The following QRSL1 variants were observed in gnomAD, a reference collection of about 807,000 sequenced individuals.
QRSL1 encodes glutamyl-tRNA(Gln) amidotransferase subunit A, mitochondrial.
A neutral mutation model predicts 61.6 loss-of-function variants in QRSL1; 54 were observed. The observed-to-expected ratio is 0.88, with a 90% CI of 0.70 to 1.10. The LOEUF (loss-of-function observed/expected upper bound fraction) is 1.10, where lower values mean the gene tolerates loss of function less well. QRSL1 is among the 50% of genes least tolerant of loss of function. The pLI is 0.00. For missense variants in QRSL1, 505 were observed against 622.6 expected (o/e 0.81, Z 2.01); for synonymous variants, 228 against 225.7 (o/e 1.01, Z -0.09).
chr6:106,654,962 G>T (rs369163215), intron 8 of QRSL1, 40 bp downstream of exon 8: 1 of 1,487,362 alleles, frequency 6.7e-7, no homozygotes. Flanking sequence ...GGTAGTTGTC[G>T]CAAACATTTG....
At chr6:106,638,386 C>G (rs539161727) in intron 1 of QRSL1, among the ~76,000 whole-genome samples, 3 of 152,070 alleles carry the variant, frequency 2.0e-5, no homozygotes, top group Non-Finnish European at 2.9e-5. Context: ...CTCACCGCAA[C>G]CTCTGCCTCC....
intron 1 of QRSL1, among the ~76,000 whole-genome samples, chr6:106,637,892 T>C (rs977553584): frequency 6.6e-5 from 10 of 152,302 alleles, no homozygotes; most frequent in Admixed American, 5.2e-4. Flanking sequence ...CCTTATTGAT[T>C]TTTTTTCTCA....
chr6:106,636,043 C>T (rs747335157), intron 1 of QRSL1, among the ~76,000 whole-genome samples: 247 of 152,158 alleles, frequency 1.6e-3, no homozygotes, highest in Non-Finnish European at 2.0e-3. Flanking sequence ...CTCCAAAATC[C>T]AAAACTTTTT....
Position 106,654,732 on chromosome 6 carries a change from A to G in QRSL1, c.852A>G (p.Glu284=), listed in dbSNP as rs907861200. The G allele has an allele frequency of 1.9e-6, 3 of 1,605,268 alleles. No individual in the cohort carries two copies. The highest frequency in any genetic ancestry group is 2.5e-6 in the Non-Finnish European group (3 of 1,178,174). ...VSKLCIGIPK[E]YLVPELSSEV... ...GTATCTTGACTTTTTGCTATAAGGA[A>G]TATCTTGTACCGGAATTATCAAGTG... is the stretch of plus-strand genomic sequence containing the variant. Residue 284 remains glutamate, a splice_region_variant and synonymous_variant, in exon 8 of 11, where the codon GAA becomes GAG. Coordinates refer to ENST00000369046, the MANE Select transcript of QRSL1 (RefSeq NM_018292.5).
chr6:106,659,927 G>C (rs760276322), intron 9 of QRSL1, among the ~76,000 whole-genome samples: 3 of 152,082 alleles, frequency 2.0e-5, no homozygotes, highest in Non-Finnish European at 4.4e-5. Flanking sequence ...CCCAGCCTTG[G>C]GAATTTCTTC....
intron 9 of QRSL1, among the ~76,000 whole-genome samples, chr6:106,659,304 A>C (rs1387807879): frequency 6.6e-6 from 1 of 151,980 alleles, no homozygotes; most frequent in Admixed American, 6.5e-5. Flanking sequence ...GTCTCTACTA[A>C]AAATACAAAA....
chr6:106,642,018 C>T (rs910154049), intron 3 of QRSL1, among the ~76,000 whole-genome samples: 1 of 152,162 alleles, frequency 6.6e-6, no homozygotes, highest in Admixed American at 6.5e-5. Context: ...CTATGAATTG[C>T]TTAATTGCAG....
At chr6:106,657,585 G>C (rs1404518205) in intron 9 of QRSL1, among the ~76,000 whole-genome samples, 1 of 152,108 alleles carries the variant, frequency 6.6e-6, no homozygotes, top group African/African-American at 2.4e-5. Flanking sequence ...AATTACTGCT[G>C]GTATCCCTAG....
intron 5 of QRSL1, among the ~76,000 whole-genome samples, chr6:106,650,501 A>G (rs1260241360): frequency 6.6e-6 from 1 of 152,140 alleles, no homozygotes; most frequent in African/African-American, 2.4e-5. Flanking sequence ...CTCAAACTGT[A>G]AAGTGTTCTG....
At chr6:106,639,518 C>T (rs1465088629) in intron 1 of QRSL1, among the ~76,000 whole-genome samples, 2 of 152,160 alleles carry the variant, frequency 1.3e-5, no homozygotes, top group Non-Finnish European at 2.9e-5. Flanking sequence ...TATTCCTTCC[C>T]CTATTCTCCT....
chr6:106,645,943 T>A (rs959803392), intron 4 of QRSL1, among the ~76,000 whole-genome samples: 23 of 152,230 alleles, frequency 1.5e-4, no homozygotes, highest in African/African-American at 5.1e-4. Flanking sequence ...CTTCTTGCCT[T>A]ACTGCACCAG....
Position 106,667,289 on chromosome 6 carries a change from T to C in QRSL1, c.*1287T>C, listed in dbSNP as rs1036215363. Reference sequence around the variant, plus strand: ...CTCATGGTTTCCTTTTCCTCTTGACTGTCTTTACGAGTGTTTTTTATTTGG... The same window carrying C: ...CTCATGGTTTCCTTTTCCTCTTGACCGTCTTTACGAGTGTTTTTTATTTGG... On this transcript the variant is annotated 3_prime_UTR_variant, in exon 11 of 11. Coordinates refer to ENST00000369046, the MANE Select transcript of QRSL1 (RefSeq NM_018292.5). The C allele has an allele frequency of 1.3e-5, 2 of 152,250 alleles. No homozygotes were observed. Among genetic ancestry groups the C allele is most frequent in the African/African-American group, 4.8e-5 (2 of 41,470 alleles). 9.4% of individuals were successfully genotyped at this position (152,250 alleles called of 1,614,324 possible). A position where few individuals can be genotyped will look rare whatever the true frequency, so the allele number is the denominator to read the frequency against.
Position 106,649,207 on chromosome 6 carries a change from A to G in QRSL1, c.557+6A>G, listed in dbSNP as rs1321396336. 1 of 1,612,748 alleles carries G rather than the reference A, an allele frequency of 6.2e-7. No homozygotes were observed. The highest frequency in any genetic ancestry group is 1.3e-5 in the African/African-American group (1 of 74,706). The stretch of plus-strand genomic sequence containing the variant: ...TCGGCGTTCACATGCTACGCGTAAG[A>G]TGCTTTTCTCTATCTGTATTTTAAA... On this transcript the variant is annotated splice_donor_region_variant and intron_variant, in intron 5 of 10. Transcript: ENST00000369046.
At position 106,659,455 on chromosome 6, in the gene QRSL1, ACT is replaced by A. The variant is rs1055788046; in HGVS notation, c.1161-3522_1161-3521del. Among the ~76,000 whole-genome samples, 64 of 148,124 alleles carry A rather than the reference ACT, an allele frequency of 4.3e-4. 1 individual carries two copies. Among genetic ancestry groups the A allele is most frequent in the African/African-American group, 1.6e-3 (62 of 39,986 alleles). On this transcript the variant is annotated intron_variant, in intron 9 of 10. Coordinates refer to ENST00000369046, the MANE Select transcript of QRSL1 (RefSeq NM_018292.5). ...ACCCCAGCCTGGGTGACGGAGTGAG[ACT>A]CTGTCTCCAAAAAAAAAAAAAAACA... is the stretch of plus-strand genomic sequence containing the variant.
At chr6:106,647,572 A>AAAG (rs71012723) in intron 4 of QRSL1, among the ~76,000 whole-genome samples, 1 of 142,514 alleles carries the variant, frequency 7.0e-6, no homozygotes, top group Non-Finnish European at 1.6e-5. Flanking sequence ...AAAAAAAAAA[A>AAAG]GAGAGAGACA....
chr6:106,653,968 T>C (rs1048386759), intron 7 of QRSL1: 1 of 152,178 alleles, frequency 6.6e-6, no homozygotes, highest in Admixed American at 6.5e-5. Context: ...AATAACTTCT[T>C]ATGTCAAGAT....
chr6:106,647,541 A>G (rs1777127448), intron 4 of QRSL1, among the ~76,000 whole-genome samples: 1 of 124,362 alleles, frequency 8.0e-6, no homozygotes, highest in Admixed American at 8.6e-5. Context: ...CCTGGGCAAT[A>G]GAGCGAGACT....
chr6:106,644,788 G>A (rs1416947995), intron 4 of QRSL1, among the ~76,000 whole-genome samples: 2 of 152,142 alleles, frequency 1.3e-5, no homozygotes, highest in African/African-American at 4.8e-5. Context: ...CAAAGTGCTG[G>A]GATCATAGAC....
At chr6:106,662,307 C>T (rs1014185427) in intron 9 of QRSL1, among the ~76,000 whole-genome samples, 2 of 152,112 alleles carry the variant, frequency 1.3e-5, no homozygotes, top group Non-Finnish European at 2.9e-5. Context: ...TTAATGATGG[C>T]CCTGGAGTTA....
Sources: gnomAD v4.1 joint callset for allele counts (sites outside exome capture counted in the v4.1 genomes callset) on GRCh38, gnomAD v4.1.1 for gene constraint, MANE v1.5 for transcripts, NCBI Gene and HGNC (gene_info 2026-07-23, HGNC 2026-07-21) for gene names.